Variants in TRIM2 observed in about 807,000 individuals in gnomAD.
The protein encoded by TRIM2 is tripartite motif-containing protein 2.
TRIM2 carries 20 observed loss-of-function variants against 75.2 expected under a neutral mutation model. The ratio of observed to expected loss-of-function variants is 0.27; its 90% CI spans 0.19 to 0.39. The LOEUF (loss-of-function observed/expected upper bound fraction) is 0.39. Ranked by LOEUF, TRIM2 falls within the 10% of genes least tolerant of loss-of-function variation. TRIM2 has a pLI of 1.00. For missense variants in TRIM2, 660 were observed against 990.8 expected (o/e 0.67, Z 4.48); for synonymous variants, 373 against 388.3 (o/e 0.96, Z 0.46).
intron 1 of TRIM2, among the ~76,000 whole-genome samples, chr4:153,224,429 C>G (rs949686856): frequency 6.6e-6 from 1 of 152,176 alleles, no homozygotes; most frequent in Non-Finnish European, 1.5e-5. Flanking sequence ...GGGCTAGGTA[C>G]AGAACACCAC....
intron 1 of TRIM2, among the ~76,000 whole-genome samples, chr4:153,235,422 C>T (rs1171779139): frequency 2.0e-5 from 3 of 151,752 alleles, no homozygotes; most frequent in Non-Finnish European, 2.9e-5. Flanking sequence ...GTAGCTGGGA[C>T]TACAGGCAGG....
At chr4:153,244,272 T>C (rs1464196116) in intron 1 of TRIM2, among the ~76,000 whole-genome samples, 2 of 8,716 alleles carry the variant, frequency 2.3e-4, no homozygotes, top group Non-Finnish European at 2.6e-4. Flanking sequence ...CTCCTCCTCC[T>C]CCTCCTCCTC....
intron 11 of TRIM2, among the ~76,000 whole-genome samples, 193 bp downstream of exon 11, chr4:153,328,863 T>C (rs1770829716): frequency 6.6e-6 from 1 of 152,164 alleles, no homozygotes; most frequent in South Asian, 2.1e-4. Flanking sequence ...ACCCTCTAAA[T>C]TGGGGTTTTA....
chr4:153,258,743 A>G (rs1752684665), intron 1 of TRIM2, among the ~76,000 whole-genome samples: 2 of 152,188 alleles, frequency 1.3e-5, no homozygotes, highest in Non-Finnish European at 2.9e-5. Context: ...GTTTTAAAAG[A>G]AGGTTTTAAA....
rs536457460 is a variant in TRIM2, at chr4:153,224,969, A to G, written c.30+20409A>G. 1.2e-4 allele frequency among the ~76,000 whole-genome samples: 18 copies of G among 152,274 alleles called. No homozygotes were observed. The East Asian group carries it at 1.9e-3, about 16-fold the overall frequency. ...ATTGACTACTCTAGAAAGAGGTTGGATAGTTATTTTGTGTGTCAGGAATGA... is the reference window on the plus strand; with the variant it reads ...ATTGACTACTCTAGAAAGAGGTTGGGTAGTTATTTTGTGTGTCAGGAATGA... On this transcript the variant is annotated intron_variant, in intron 1 of 11. Transcript: ENST00000338700.
At chr4:153,320,790 AC>A (rs1768776144) in intron 8 of TRIM2, among the ~76,000 whole-genome samples, 1 of 151,728 alleles carries the variant, frequency 6.6e-6, no homozygotes, top group African/African-American at 2.4e-5. Context: ...CCACCACCAC[AC>A]CCAGCTAATT....
Position 153,338,712 on chromosome 4 carries a change from T to TGTTTGTGGA in TRIM2, c.*3748_*3756dup, listed in dbSNP as rs2149618311. The stretch of plus-strand genomic sequence containing the variant: ...ATGAATTGTGTGGCAGTGATTGGTC[T>TGTTTGTGGA]GTTTGTGGAGAATGTATGAAAGCTA... On this transcript the variant is annotated 3_prime_UTR_variant, in exon 12 of 12. Coordinates refer to ENST00000338700, the MANE Select transcript of TRIM2 (RefSeq NM_015271.5). The TGTTTGTGGA allele has an allele frequency of 1.0e-6, 1 of 985,836 alleles. No individual in the cohort carries two copies. The highest frequency in any genetic ancestry group is 6.1e-5 in the Admixed American group (1 of 16,276). The allele number at this position is 985,836 out of a possible 1,614,324, so 61.1% of individuals were successfully genotyped here. A position where few individuals can be genotyped will look rare whatever the true frequency, so the allele number is the denominator to read the frequency against.
chr4:153,303,747 G>A (rs1034552697), intron 6 of TRIM2, among the ~76,000 whole-genome samples: 4 of 152,152 alleles, frequency 2.6e-5, no homozygotes, highest in Non-Finnish European at 5.9e-5. Context: ...ATGTATTGGT[G>A]TTTATACAAC....
chr4:153,234,928 ACCTTCC>A (rs1387918573), intron 1 of TRIM2, among the ~76,000 whole-genome samples: 1 of 151,980 alleles, frequency 6.6e-6, no homozygotes, highest in African/African-American at 2.4e-5. Flanking sequence ...CCAATTCTTA[ACCTTCC>A]CCGTGCCCTG....
chr4:153,281,808 T>G (rs1759404438), intron 3 of TRIM2, among the ~76,000 whole-genome samples: 1 of 152,244 alleles, frequency 6.6e-6, no homozygotes, highest in Admixed American at 6.5e-5. Flanking sequence ...TTCTTTGCAC[T>G]TAAAGCAGAC....
intron 1 of TRIM2, among the ~76,000 whole-genome samples, chr4:153,241,429 T>C (rs1381810441): frequency 6.6e-6 from 1 of 152,214 alleles, no homozygotes; most frequent in Non-Finnish European, 1.5e-5. Context: ...GTCACAGGTT[T>C]GTGGGCGAGA....
intron 1 of TRIM2, among the ~76,000 whole-genome samples, chr4:153,259,278 T>C (rs1752821699): frequency 6.6e-6 from 1 of 152,234 alleles, no homozygotes; most frequent in African/African-American, 2.4e-5. Context: ...TGGATTTTGT[T>C]GCTTGTGAAA....
intron 8 of TRIM2, among the ~76,000 whole-genome samples, chr4:153,319,383 C>A (rs1423245683): frequency 3.9e-5 from 6 of 152,150 alleles, no homozygotes; most frequent in Admixed American, 3.9e-4. Context: ...ATTTAAGGAA[C>A]TATTTGTTGA....
chr4:153,170,391 C>G (rs1730726249), intron 1 of TRIM2, among the ~76,000 whole-genome samples: 1 of 152,090 alleles, frequency 6.6e-6, no homozygotes, highest in East Asian at 1.9e-4. Context: ...GCATGTTTAA[C>G]CGGACCCCAG....
In TRIM2 at chr4:153,273,270, C is replaced by CTTTTTTTTTTT. The variant is rs72414117; in HGVS notation, c.216-2610_216-2600dup. Among the ~76,000 whole-genome samples, 59 of 57,382 alleles carry CTTTTTTTTTTT rather than the reference C, an allele frequency of 1.0e-3. 6 individuals are homozygous for CTTTTTTTTTTT. The highest frequency in any genetic ancestry group is 2.6e-3 in the East Asian group (4 of 1,568). The allele number at this position is 57,382 out of a possible 152,430, so 37.6% of individuals were successfully genotyped here. A position where few individuals can be genotyped will look rare whatever the true frequency, so the allele number is the denominator to read the frequency against. The stretch of plus-strand genomic sequence containing the variant: ...ACTCAGTGAGCACCTTACAGTCACT[C>CTTTTTTTTTTT]TTTTTTTTTTTTTTTTTTTTTTTGA... On this transcript the variant is annotated intron_variant, in intron 2 of 11. Transcript: ENST00000338700.
chr4:153,241,815 C>T (rs115534708), intron 1 of TRIM2, among the ~76,000 whole-genome samples: 1,734 of 152,204 alleles, frequency 0.011, 16 homozygotes, highest in African/African-American at 0.038. Flanking sequence ...ACAGAGAGAA[C>T]GGAGGAGAGG....
chr4:153,284,873 T>G (rs1322046675), intron 3 of TRIM2, among the ~76,000 whole-genome samples: 1 of 152,238 alleles, frequency 6.6e-6, no homozygotes, highest in Non-Finnish European at 1.5e-5. Context: ...TAGCCATATT[T>G]TCTCCCATTT....
upstream of TRIM2, among the ~76,000 whole-genome samples, chr4:153,200,725 AT>A (rs368946402): frequency 0.17 from 21,279 of 124,452 alleles, 2,028 homozygotes; most frequent in African/African-American, 0.31. Context: ...AGAAAAAAAA[AT>A]ATATATATAT....
At chr4:153,158,814 C>T (rs189396831) in intron 1 of TRIM2, among the ~76,000 whole-genome samples, 5 of 152,150 alleles carry the variant, frequency 3.3e-5, no homozygotes, top group South Asian at 2.1e-4. Context: ...AAAGGTAAGC[C>T]GAGAAGGTGG....
Sources: allele counts gnomAD v4.1 joint callset (sites outside exome capture counted in the v4.1 genomes callset), GRCh38; gene constraint gnomAD v4.1.1; transcripts MANE v1.5; gene names NCBI Gene and HGNC (gene_info 2026-07-23, HGNC 2026-07-21).